Variants in SOX5 observed in about 807,000 individuals in gnomAD.
SOX5 encodes the protein transcription factor SOX-5.
Under a neutral mutation model 92.0 loss-of-function variants are expected in SOX5, and 9 were observed. That is an observed-to-expected ratio of 0.10 (90% CI 0.06 to 0.17). The LOEUF (loss-of-function observed/expected upper bound fraction) is 0.17. SOX5 is among the 10% of genes least tolerant of loss of function. SOX5 has a pLI of 1.00. For synonymous variants in SOX5, 344 were observed against 336.3 expected, an observed-to-expected ratio of 1.02 and a Z score of -0.25; for missense variants, 642 against 944.5, an observed-to-expected ratio of 0.68 and a Z score of 4.20.
At chr12:24,432,736 C>A (rs1418040790) in intron 1 of SOX5, among the ~76,000 whole-genome samples, 1 of 152,088 alleles carries the variant, frequency 6.6e-6, no homozygotes, top group Non-Finnish European at 1.5e-5. Flanking sequence ...CCTTTGAACC[C>A]AGGAGGCGGA....
At chr12:24,003,769 G>GTTT (rs59230154) in intron 4 of SOX5, among the ~76,000 whole-genome samples, 53,332 of 147,762 alleles carry the variant, frequency 0.36, 10,216 homozygotes, top group East Asian at 0.68. Context: ...ATGCCAGCAG[G>GTTT]TTTTTTTTTT....
At chr12:23,817,255 A>G (rs927844160) in intron 3 of SOX5, among the ~76,000 whole-genome samples, 6 of 152,176 alleles carry the variant, frequency 3.9e-5, no homozygotes, top group Non-Finnish European at 8.8e-5. Flanking sequence ...CATTATTATT[A>G]TTCTTATCAT....
chr12:23,681,389 ATGAC>A (rs1449613466), intron 6 of SOX5, among the ~76,000 whole-genome samples: 2 of 151,958 alleles, frequency 1.3e-5, no homozygotes, highest in Admixed American at 6.5e-5. Flanking sequence ...TATGAATTAA[ATGAC>A]AGACCTAAGT....
At chr12:24,163,416 A>T (rs1223771489) in intron 4 of SOX5, among the ~76,000 whole-genome samples, 2 of 151,968 alleles carry the variant, frequency 1.3e-5, no homozygotes, top group Non-Finnish European at 2.9e-5. Context: ...CTATTTGAAG[A>T]TACTGTATTA....
chr12:24,193,024 C>T (rs930435477), intron 4 of SOX5, among the ~76,000 whole-genome samples: 38 of 152,046 alleles, frequency 2.5e-4, no homozygotes, highest in African/African-American at 9.2e-4. Context: ...AAATAATATG[C>T]ATCTAATAAT....
intron 1 of SOX5, among the ~76,000 whole-genome samples, chr12:24,496,576 A>G (rs1947659687): frequency 6.6e-6 from 1 of 152,130 alleles, no homozygotes; most frequent in Non-Finnish European, 1.5e-5. Context: ...AGAGAAACAA[A>G]ACAACTATAC....
rs757926959 is a variant in SOX5 at position 24,499,807 on chromosome 12, G to T, written c.-251+62522C>A. On this transcript the variant is annotated intron_variant, in intron 1 of 4. Transcript: ENST00000446891. ...CTCCCAAAAGAGAACAGGAAGAGAA[G>T]AACTATGAACTTAGTGCTGTTAACT... Among the ~76,000 whole-genome samples the T allele has an allele frequency of 2.7e-5, 4 of 147,630 alleles. No individual in the cohort carries two copies. The South Asian group carries it at 6.4e-4, about 24-fold the overall frequency.
chr12:24,507,668 A>G (rs773513605), intron 1 of SOX5, among the ~76,000 whole-genome samples: 4 of 152,186 alleles, frequency 2.6e-5, no homozygotes, highest in Non-Finnish European at 5.9e-5. Flanking sequence ...TGTCAATTTC[A>G]TTAGGCTTTA....
chr12:24,168,807 T>C (rs1375930790), intron 4 of SOX5, among the ~76,000 whole-genome samples: 1 of 152,166 alleles, frequency 6.6e-6, no homozygotes, highest in African/African-American at 2.4e-5. Flanking sequence ...TATGAAATGA[T>C]GGGCAGGCGT....
At chr12:24,365,636 A>G (rs1022551009) in intron 2 of SOX5, among the ~76,000 whole-genome samples, 1 of 123,340 alleles carries the variant, frequency 8.1e-6, no homozygotes, top group African/African-American at 2.7e-5. Flanking sequence ...AATTTGATAT[A>G]ATTATTGAAA....
intron 4 of SOX5, among the ~76,000 whole-genome samples, chr12:24,040,766 G>A (rs1956439322): frequency 6.6e-6 from 1 of 152,060 alleles, no homozygotes; most frequent in South Asian, 2.1e-4. Context: ...CCAGTTCCTC[G>A]GGAGGCTGAG....
intron 1 of SOX5, among the ~76,000 whole-genome samples, chr12:24,515,639 A>C (rs1396852502): frequency 6.6e-6 from 1 of 152,210 alleles, no homozygotes; most frequent in Non-Finnish European, 1.5e-5. Context: ...CTCTTCTTTT[A>C]AAAACACAGA....
At chr12:24,033,374 T>A (rs1043771649) in intron 4 of SOX5, among the ~76,000 whole-genome samples, 14 of 152,012 alleles carry the variant, frequency 9.2e-5, no homozygotes, top group African/African-American at 2.7e-4. Context: ...TATGTCTAAC[T>A]TTAAAAAGTG....
intron 6 of SOX5, among the ~76,000 whole-genome samples, chr12:23,676,868 TTG>T (rs2085787822): frequency 1.3e-5 from 2 of 152,166 alleles, no homozygotes; most frequent in African/African-American, 4.8e-5. Flanking sequence ...TTGACATTAT[TTG>T]TGTCTGTCTC....
chr12:24,095,090 A>AACACACACACACACACAC (rs150030739), intron 4 of SOX5, among the ~76,000 whole-genome samples: 12 of 131,630 alleles, frequency 9.1e-5, no homozygotes, highest in African/African-American at 3.0e-4. Flanking sequence ...CTAGCCCCGA[A>AACACACACACACACACAC]ACACACACAC....
rs528859888 is a variant in SOX5 at position 23,752,046 on chromosome 12, C to T, written c.568+3592G>A. Among the ~76,000 whole-genome samples, 543 of 151,268 alleles carry T rather than the reference C, an allele frequency of 3.6e-3. 2 individuals carry two copies. Among genetic ancestry groups the T allele is most frequent in the Non-Finnish European group, 6.4e-3 (436 of 67,668 alleles). On this transcript the variant is annotated intron_variant, in intron 4 of 14. Transcript: ENST00000451604. ...CAGTTTGTGGGCCTGAATTAATGCACCGTGACCAGGGTCAGAAGAATCCAT... is the reference window on the plus strand; with the variant it reads ...CAGTTTGTGGGCCTGAATTAATGCATCGTGACCAGGGTCAGAAGAATCCAT...
At chr12:24,401,806 C>T (rs1447082223) in intron 1 of SOX5, among the ~76,000 whole-genome samples, 1 of 151,524 alleles carries the variant, frequency 6.6e-6, no homozygotes, top group Non-Finnish European at 1.5e-5. Context: ...GCCTACAAAG[C>T]CTAAAATATT....
chr12:24,286,469 G>T (rs1945876029), intron 2 of SOX5, among the ~76,000 whole-genome samples: 1 of 152,154 alleles, frequency 6.6e-6, no homozygotes, highest in South Asian at 2.1e-4. Flanking sequence ...TATTTGAAGG[G>T]TTGTCATTTG....
intron 4 of SOX5, among the ~76,000 whole-genome samples, chr12:24,166,540 T>C (rs137866199): frequency 1.3e-5 from 2 of 152,294 alleles, no homozygotes; most frequent in East Asian, 3.9e-4. Flanking sequence ...CTTACACTAA[T>C]GATAAGATCA....
Sources: gnomAD v4.1 joint callset for allele counts (sites outside exome capture counted in the v4.1 genomes callset) on GRCh38, gnomAD v4.1.1 for gene constraint, MANE v1.5 for transcripts, NCBI Gene and HGNC (gene_info 2026-07-23, HGNC 2026-07-21) for gene names.